DNAH3: variants seen among roughly 807,000 people sequenced by gnomAD.
DNAH3 encodes axonemal beta dynein heavy chain 3.
A neutral mutation model predicts 432.5 loss-of-function variants in DNAH3; 332 were observed. The ratio of observed to expected loss-of-function variants is 0.77; its 90% CI spans 0.70 to 0.84. The LOEUF is 0.84. Among genes scored for constraint, DNAH3 ranks in the 40% least tolerant of loss-of-function variants. DNAH3 has a pLI of 0.00. For missense variants in DNAH3, 4,861 were observed against 5,114.0 expected (o/e 0.95, Z 1.51); for synonymous variants, 1,956 against 1,900.2 (o/e 1.03, Z -0.76).
At chr16:21,121,240 GA>G (rs1387354782) in intron 10 of DNAH3, 2 of 369,814 alleles carry the variant, frequency 5.4e-6, no homozygotes, top group South Asian at 2.1e-5. Context: ...GAGCTAAAAG[GA>G]GTTACATCCA....
intron 54 of DNAH3, among the ~76,000 whole-genome samples, 166 bp from the exon 55 acceptor site, chr16:20,955,223 A>T (rs1378402855): frequency 6.6e-6 from 1 of 152,180 alleles, no homozygotes; most frequent in Non-Finnish European, 1.5e-5. Context: ...AAAAAAAAAT[A>T]ACAAAAAAGA....
At chr16:21,102,429 C>T (rs781728265) in intron 16 of DNAH3, among the ~76,000 whole-genome samples, 8 of 152,090 alleles carry the variant, frequency 5.3e-5, no homozygotes, top group Non-Finnish European at 7.4e-5. Flanking sequence ...CGTTTTTCTC[C>T]CCACAGAGGT....
intron 29 of DNAH3, 35 bp downstream of exon 29, chr16:21,051,635 G>A (rs768551712): frequency 4.4e-5 from 71 of 1,605,498 alleles, no homozygotes; most frequent in Middle Eastern, 2.2e-4. Flanking sequence ...GGAGTTCTCC[G>A]TTCACCCCTC....
At chr16:21,088,962 A>C (rs528843822) in intron 18 of DNAH3, among the ~76,000 whole-genome samples, 2 of 152,240 alleles carry the variant, frequency 1.3e-5, no homozygotes, top group Non-Finnish European at 2.9e-5. Flanking sequence ...GATCAAAGGC[A>C]GATAATAAAG....
intron 18 of DNAH3, among the ~76,000 whole-genome samples, chr16:21,094,369 G>T (rs1036403562): frequency 6.6e-6 from 1 of 152,028 alleles, no homozygotes; most frequent in Non-Finnish European, 1.5e-5. Flanking sequence ...TTATGAGAAT[G>T]GCTAAAATAA....
At position 21,019,808 on chromosome 16, in the gene DNAH3, C is replaced by T. The variant is rs964663613; in HGVS notation, c.5838G>A (p.Gln1946=). 2.5e-6 allele frequency: 4 copies of T among 1,614,046 alleles called. No homozygotes were observed. The African/African-American group carries it at 5.3e-5, about 22-fold the overall frequency. The change falls in exon 41 of 62, where the codon CAG becomes CAA. Residue 1946 remains glutamine (Q), a synonymous_variant. Coordinates refer to ENST00000261383, the Ensembl canonical transcript of DNAH3. ...ACAGTCCTTGGAGCCAGAGAAAGAT[C>T]TGTTGACTTGACAGGCCTTCACCTA...
chr16:21,064,862 T>G (rs78509811), intron 24 of DNAH3, among the ~76,000 whole-genome samples: 37 of 39,080 alleles, frequency 9.5e-4, no homozygotes, highest in East Asian at 0.016. Flanking sequence ...TTGAGGTAGG[T>G]GTGTGTGTGT....
intron 1 of DNAH3, among the ~76,000 whole-genome samples, chr16:21,153,551 A>G (rs915691242): frequency 6.6e-6 from 1 of 152,196 alleles, no homozygotes; most frequent in African/African-American, 2.4e-5. Flanking sequence ...CAGCAGTGGC[A>G]AGCCGCTTGA....
chr16:21,151,095 T>C (rs1167659553), intron 1 of DNAH3, among the ~76,000 whole-genome samples: 1 of 152,176 alleles, frequency 6.6e-6, no homozygotes, highest in Non-Finnish European at 1.5e-5. Flanking sequence ...GTTAAGTTCT[T>C]GGGATCTACA....
intron 54 of DNAH3, among the ~76,000 whole-genome samples, chr16:20,955,362 C>T (rs960805214): frequency 3.9e-5 from 6 of 152,066 alleles, no homozygotes; most frequent in African/African-American, 7.2e-5. Context: ...AGTGAGGAAG[C>T]GGAGGCATGG....
At chr16:21,079,869 A>G (rs1024787691) in intron 20 of DNAH3, among the ~76,000 whole-genome samples, 1 of 152,194 alleles carries the variant, frequency 6.6e-6, no homozygotes, top group African/African-American at 2.4e-5. Flanking sequence ...GCATCACAGT[A>G]TTCAGGTGGC....
At chr16:20,953,219 C>T (rs1048769658) in intron 55 of DNAH3, among the ~76,000 whole-genome samples, 4 of 150,500 alleles carry the variant, frequency 2.7e-5, no homozygotes, top group African/African-American at 9.8e-5. Flanking sequence ...AATGCAGTGT[C>T]GTGATCTCGG....
intron 58 of DNAH3, 94 bp downstream of exon 58, chr16:20,944,402 C>G: frequency 6.8e-7 from 1 of 1,465,482 alleles, no homozygotes; most frequent in Non-Finnish European, 9.4e-7. Context: ...GGCCCCCACT[C>G]TCTGCCTCTT....
At chr16:20,965,153 C>T (rs767157348) in exon 53 of DNAH3, 6 of 1,614,010 alleles carry the variant, frequency 3.7e-6, no homozygotes, top group Non-Finnish European at 5.1e-6. Context: ...TTCCCCTCTG[C>T]CTCCCTCAGT....
At position 21,037,751 on chromosome 16, in the gene DNAH3, C is replaced by A; in HGVS notation, c.4950+10G>T. 1 of 1,613,504 alleles carries A rather than the reference C, an allele frequency of 6.2e-7. No homozygotes were observed. The highest frequency in any genetic ancestry group is 8.5e-7 in the Non-Finnish European group (1 of 1,179,584). ...TTGGTCCTCGGCCAAGGTCCTGAAC[C>A]GCTACATACCTGAAACAGAGGGACA... On this transcript the variant is annotated intron_variant, in intron 34 of 61. Transcript: ENST00000261383.
At chr16:20,953,053 G>A (rs1331827244) in intron 55 of DNAH3, among the ~76,000 whole-genome samples, 1 of 152,180 alleles carries the variant, frequency 6.6e-6, no homozygotes, top group South Asian at 2.1e-4. Flanking sequence ...TGACATACAT[G>A]TGTAAACCAG....
At chr16:20,943,983 CA>C (rs35780087) in intron 58 of DNAH3, among the ~76,000 whole-genome samples, 10,822 of 133,638 alleles carry the variant, frequency 0.081, 481 homozygotes, top group Non-Finnish European at 0.12. Context: ...AACCGTGTCT[CA>C]AAAAAAAAAA....
intron 3 of DNAH3, among the ~76,000 whole-genome samples, chr16:21,142,432 T>C (rs2092731968): frequency 6.6e-6 from 1 of 152,170 alleles, no homozygotes; most frequent in Non-Finnish European, 1.5e-5. Flanking sequence ...TTAGTACATT[T>C]ATTTTTAAAA....
At chr16:21,012,977 A>G (rs572148709) in intron 41 of DNAH3, among the ~76,000 whole-genome samples, 1 of 152,046 alleles carries the variant, frequency 6.6e-6, no homozygotes, top group East Asian at 1.9e-4. Flanking sequence ...TGTTGCCCAG[A>G]CTGGTCTCAA....
Sources: gnomAD v4.1 joint callset for allele counts (sites outside exome capture counted in the v4.1 genomes callset) on GRCh38, gnomAD v4.1.1 for gene constraint, MANE v1.5 for transcripts, NCBI Gene and HGNC (gene_info 2026-07-23, HGNC 2026-07-21) for gene names.